The following CAPN9 variants were observed in gnomAD, a reference collection of about 807,000 sequenced individuals.
CAPN9 encodes the protein calpain-9.
In CAPN9, 81 loss-of-function variants were observed where a neutral mutation model predicts 92.8. That is an observed-to-expected ratio of 0.87 (90% CI 0.73 to 1.05). The LOEUF (loss-of-function observed/expected upper bound fraction) is 1.05, where lower values mean the gene tolerates loss of function less well. Ranked by LOEUF, CAPN9 falls within the 50% of genes least tolerant of loss-of-function variation. The probability of loss-of-function intolerance (pLI) is 0.00; values close to 1 mark genes in which losing one functional copy is unlikely to be tolerated. For synonymous variants in CAPN9, 304 were observed against 328.0 expected, an observed-to-expected ratio of 0.93 and a Z score of 0.79; for missense variants, 848 against 866.2, an observed-to-expected ratio of 0.98 and a Z score of 0.26.
chr1:230,790,207 C>A lies in CAPN9; in HGVS notation c.1657+18C>A, dbSNP rs1051924838. On this transcript the variant is annotated intron_variant, in intron 14 of 19. Coordinates refer to ENST00000271971, the MANE Select transcript of CAPN9 (RefSeq NM_006615.3). ...GCAAAAGAGTAAGTGCCAACCCCAT[C>A]GGGGTCCTGGGGCACCTATGGAGGG... 2 of 1,613,500 alleles carry A rather than the reference C, an allele frequency of 1.2e-6. No homozygotes were observed. The highest frequency in any genetic ancestry group is 2.2e-5 in the South Asian group (2 of 90,980).
chr1:230,748,160 C>A (rs148848261), intron 1 of CAPN9, among the ~76,000 whole-genome samples: 1 of 152,146 alleles, frequency 6.6e-6, no homozygotes, highest in Non-Finnish European at 1.5e-5. Flanking sequence ...TCTCAGCAAC[C>A]GGGTGACAGA....
intron 1 of CAPN9, 125 bp from the exon 2 acceptor site, chr1:230,755,212 A>G (rs926199329): frequency 1.1e-5 from 8 of 731,794 alleles, no homozygotes; most frequent in Non-Finnish European, 1.9e-5. Flanking sequence ...GGCCCTCCTC[A>G]GGGAAAAGAA....
chr1:230,770,902 C>T (rs965758877), intron 6 of CAPN9, among the ~76,000 whole-genome samples: 3 of 152,200 alleles, frequency 2.0e-5, no homozygotes, highest in Admixed American at 6.5e-5. Flanking sequence ...TGCCCTTCCT[C>T]CTCACTGGAG....
At chr1:230,767,071 T>C (rs1353608016) in intron 4 of CAPN9, among the ~76,000 whole-genome samples, 2 of 152,108 alleles carry the variant, frequency 1.3e-5, no homozygotes, top group African/African-American at 4.8e-5. Flanking sequence ...TAGGAGTATG[T>C]GAGACCAGAG....
intron 12 of CAPN9, 154 bp downstream of exon 12, chr1:230,786,171 A>T: frequency 1.0e-6 from 1 of 985,370 alleles, no homozygotes; most frequent in Non-Finnish European, 1.2e-6. Context: ...GGAGACCAAG[A>T]TGTGTGTGTT....
At chr1:230,751,514 G>A (rs1212500507) in intron 1 of CAPN9, among the ~76,000 whole-genome samples, 1 of 145,662 alleles carries the variant, frequency 6.9e-6, no homozygotes, top group Non-Finnish European at 1.5e-5. Context: ...AAAGAAGGAA[G>A]GAAGGAGAGA....
chr1:230,777,210 G>A (rs922979570), intron 8 of CAPN9, among the ~76,000 whole-genome samples: 2 of 152,108 alleles, frequency 1.3e-5, no homozygotes, highest in African/African-American at 4.8e-5. Context: ...CAGACGGTGG[G>A]AGAAGCCGGG....
At position 230,750,545 on chromosome 1, in the gene CAPN9, G is replaced by A. The variant is rs562844009; in HGVS notation, c.213+2836G>A. Among the ~76,000 whole-genome samples the A allele has an allele frequency of 2.3e-4, 34 of 146,288 alleles. No individual in the cohort carries two copies. In the East Asian group the frequency reaches 3.1e-3, roughly 13 times the overall value. On this transcript the variant is annotated intron_variant, in intron 1 of 19. Transcript: ENST00000271971. ...TTGCAGCATAGAGTCGCAGGGAGCC[G>A]GGGGGTAGCGGGCCATAGGGAAATC...
At chr1:230,782,095 C>T (rs1479643428) in intron 11 of CAPN9, among the ~76,000 whole-genome samples, 2 of 152,154 alleles carry the variant, frequency 1.3e-5, no homozygotes, top group African/African-American at 4.8e-5. Flanking sequence ...CAAGTTATGC[C>T]AATGCCATGC....
intron 19 of CAPN9, among the ~76,000 whole-genome samples, chr1:230,801,144 C>G (rs1288059083): frequency 2.6e-5 from 4 of 152,098 alleles, no homozygotes; most frequent in Admixed American, 2.0e-4. Flanking sequence ...CTTGTAACAC[C>G]CCCCAGCTAT....
chr1:230,755,896 GC>G (rs1665192923), intron 2 of CAPN9, among the ~76,000 whole-genome samples: 1 of 152,090 alleles, frequency 6.6e-6, no homozygotes, highest in Non-Finnish European at 1.5e-5. Context: ...CAGCAGCAGA[GC>G]CCTTACTGCT....
At position 230,747,542 on chromosome 1, in the gene CAPN9, C is replaced by A. The variant is rs1427124740; in HGVS notation, c.46C>A (p.Pro16Thr). ...RAPGPQAHPV[P>T]KDARITHSSG... Reference sequence around the variant, plus strand: ...CCCAGGGCCTCAGGCACACCCGGTTCCCAAGGACGCCCGGATCACCCACTC... The same window carrying A: ...CCCAGGGCCTCAGGCACACCCGGTTACCAAGGACGCCCGGATCACCCACTC... Residue 16 changes from proline (P) to threonine (T), a missense_variant, in exon 1 of 20, where the codon CCC becomes ACC. Coordinates refer to ENST00000271971, the MANE Select transcript of CAPN9 (RefSeq NM_006615.3). 6.2e-7 allele frequency: 1 copy of A among 1,614,174 alleles called. No individual in the cohort carries two copies. Among genetic ancestry groups the A allele is most frequent in the East Asian group, 2.2e-5 (1 of 44,878 alleles).
intron 8 of CAPN9, among the ~76,000 whole-genome samples, chr1:230,775,772 C>T (rs1001392266): frequency 6.6e-6 from 1 of 152,004 alleles, no homozygotes; most frequent in Non-Finnish European, 1.5e-5. Flanking sequence ...AAAAAATTAG[C>T]CAGGGGTGGT....
At chr1:230,751,478 G>A (rs61828378) in intron 1 of CAPN9, among the ~76,000 whole-genome samples, 27,821 of 147,316 alleles carry the variant, frequency 0.19, 3,118 homozygotes, top group Non-Finnish European at 0.26. Flanking sequence ...GGGAAGGAAG[G>A]GAAGGGAGGA....
rs996278420 is a variant in CAPN9 at position 230,774,558 on chromosome 1, C to G, written c.880C>G (p.Pro294Ala). Reference sequence around the variant, plus strand: ...ACCAATTTTGTTTACTCCTAGTTCTCCGGAGTGGCGTTCTGTTGGTCCAGC... The same window carrying G: ...ACCAATTTTGTTTACTCCTAGTTCTGCGGAGTGGCGTTCTGTTGGTCCAGC... ...EWNGSWSDSS[P>A]EWRSVGPAEQ... The change falls in exon 8 of 20, where the codon CCG becomes GCG. Residue 294 changes from proline (P) to alanine (A), a missense_variant. Coordinates refer to ENST00000271971, the MANE Select transcript of CAPN9 (RefSeq NM_006615.3). 6.2e-7 allele frequency: 1 copy of G among 1,612,466 alleles called. No homozygotes were observed. The highest frequency in any genetic ancestry group is 1.7e-5 in the Admixed American group (1 of 60,016).
chr1:230,747,710 G>C lies in CAPN9; in HGVS notation c.213+1G>C. On this transcript the variant is annotated splice_donor_variant, in intron 1 of 19. Coordinates refer to ENST00000271971, the MANE Select transcript of CAPN9 (RefSeq NM_006615.3). LOFTEE classifies it high-confidence loss of function. Reference sequence around the variant, plus strand: ...CCCCTTTGTGTGGAAACGACCAGGGGTGAGTGGGGCGAGCAGGGGAAGGAG... The same window carrying C: ...CCCCTTTGTGTGGAAACGACCAGGGCTGAGTGGGGCGAGCAGGGGAAGGAG... 1 of 1,613,848 alleles carries C rather than the reference G, an allele frequency of 6.2e-7. No homozygotes were observed. Among genetic ancestry groups the C allele is most frequent in the Non-Finnish European group, 8.5e-7 (1 of 1,179,764 alleles).
chr1:230,788,534 G>T (rs1472186282), intron 13 of CAPN9, among the ~76,000 whole-genome samples: 3 of 152,196 alleles, frequency 2.0e-5, no homozygotes, highest in Admixed American at 6.5e-5. Context: ...CCAAACTGGG[G>T]TTCCTGAATT....
intron 8 of CAPN9, among the ~76,000 whole-genome samples, chr1:230,777,232 C>A (rs971579508): frequency 7.9e-5 from 12 of 152,134 alleles, no homozygotes. Flanking sequence ...AGAGGAAACT[C>A]GGAAATTCAC....
At chr1:230,798,603 C>T (rs1295758989) in intron 19 of CAPN9, among the ~76,000 whole-genome samples, 4 of 152,170 alleles carry the variant, frequency 2.6e-5, no homozygotes, top group South Asian at 4.1e-4. Context: ...CATGTTGTCC[C>T]GTGGTTCCCA....
Sources: gnomAD v4.1 joint callset for allele counts (sites outside exome capture counted in the v4.1 genomes callset) on GRCh38, gnomAD v4.1.1 for gene constraint, MANE v1.5 for transcripts, NCBI Gene and HGNC (gene_info 2026-07-23, HGNC 2026-07-21) for gene names.